The following LDLRAD4 variants were observed in gnomAD, a reference collection of about 807,000 sequenced individuals.
LDLRAD4 encodes the protein low density lipoprotein receptor class A domain containing 4.
A neutral mutation model predicts 17.0 loss-of-function variants in LDLRAD4; 5 were observed. The ratio of observed to expected loss-of-function variants is 0.29; its 90% confidence interval spans 0.15 to 0.62. LDLRAD4 has a LOEUF of 0.62. Among genes scored for constraint, LDLRAD4 ranks in the 20% least tolerant of loss-of-function variants. The probability of loss-of-function intolerance (pLI) is 0.84; values close to 1 mark genes in which losing one functional copy is unlikely to be tolerated. For missense variants in LDLRAD4, 340 were observed against 424.7 expected, an observed-to-expected ratio of 0.80 and a Z score of 1.75; for synonymous variants, 168 against 171.8, an observed-to-expected ratio of 0.98 and a Z score of 0.17.
chr18:13,576,474 T>A (rs1298410477), intron 3 of LDLRAD4, among the ~76,000 whole-genome samples: 1 of 151,116 alleles, frequency 6.6e-6, no homozygotes, highest in Non-Finnish European at 1.5e-5. Flanking sequence ...AGTGGATTCC[T>A]CTTCCAGTTT....
chr18:13,324,563 A>T (rs969629208), intron 1 of LDLRAD4, among the ~76,000 whole-genome samples: 3 of 152,138 alleles, frequency 2.0e-5, no homozygotes, highest in African/African-American at 4.8e-5. Flanking sequence ...CTGTGGGTTT[A>T]TTAGCTGGTG....
intron 3 of LDLRAD4, among the ~76,000 whole-genome samples, chr18:13,501,653 T>C (rs2147292498): frequency 6.6e-6 from 1 of 152,038 alleles, no homozygotes; most frequent in Admixed American, 6.6e-5. Flanking sequence ...TGGGTATTAT[T>C]AATAATCCAT....
intron 3 of LDLRAD4, among the ~76,000 whole-genome samples, chr18:13,540,151 G>T (rs772206365): frequency 3.3e-4 from 50 of 152,194 alleles, no homozygotes; most frequent in Admixed American, 9.8e-4. Flanking sequence ...TGTTTGGTTT[G>T]TTTTCATGCC....
At chr18:13,632,809 A>C (rs2041785105) in intron 4 of LDLRAD4, among the ~76,000 whole-genome samples, 1 of 152,250 alleles carries the variant, frequency 6.6e-6, no homozygotes, top group African/African-American at 2.4e-5. Context: ...AGCTTCATTG[A>C]GCAACAGAAC....
chr18:13,536,441 A>G (rs1198819068), intron 3 of LDLRAD4, among the ~76,000 whole-genome samples: 1 of 152,178 alleles, frequency 6.6e-6, no homozygotes. Context: ...AAAGAAATAC[A>G]GTTGATTTGT....
upstream of LDLRAD4, among the ~76,000 whole-genome samples, chr18:13,276,379 C>T (rs1385912180): frequency 6.6e-6 from 1 of 152,174 alleles, no homozygotes; most frequent in African/African-American, 2.4e-5. Flanking sequence ...GAGCTGAAAA[C>T]AGTACTCATT....
At chr18:13,569,290 T>TCAGAA (rs34176472) in intron 3 of LDLRAD4, among the ~76,000 whole-genome samples, 91,327 of 151,626 alleles carry the variant, frequency 0.6, 28,172 homozygotes, top group East Asian at 0.87. Flanking sequence ...GGGCTCAGAC[T>TCAGAA]CTGAACTATT....
chr18:13,562,806 TC>T (rs753759132), intron 3 of LDLRAD4: 1 of 152,234 alleles, frequency 6.6e-6, no homozygotes, highest in Non-Finnish European at 1.5e-5. Context: ...CGCCTACCCC[TC>T]CCACCCAAGG....
intron 2 of LDLRAD4, among the ~76,000 whole-genome samples, chr18:13,411,741 C>A (rs570684229): frequency 2.6e-5 from 4 of 152,236 alleles, no homozygotes; most frequent in Non-Finnish European, 5.9e-5. Flanking sequence ...TATAAATTAT[C>A]CAGTCCCTGT....
At chr18:13,378,111 A>T (rs551865604) in intron 1 of LDLRAD4, among the ~76,000 whole-genome samples, 129 of 152,364 alleles carry the variant, frequency 8.5e-4, no homozygotes, top group Middle Eastern at 3.4e-3. Flanking sequence ...TTGTGAACGC[A>T]GGCGACTGAA....
intron 1 of LDLRAD4, among the ~76,000 whole-genome samples, chr18:13,245,316 C>A (rs1294034669): frequency 6.6e-6 from 1 of 152,162 alleles, no homozygotes; most frequent in Non-Finnish European, 1.5e-5. Flanking sequence ...CACGTGAGGG[C>A]AGCCGTGTGT....
chr18:13,579,759 C>T (rs1170868394), intron 3 of LDLRAD4, among the ~76,000 whole-genome samples: 2 of 152,204 alleles, frequency 1.3e-5, no homozygotes, highest in African/African-American at 4.8e-5. Context: ...TGCAAGTTAT[C>T]CTGGACACCA....
intron 3 of LDLRAD4, among the ~76,000 whole-genome samples, chr18:13,466,472 C>CAAAAAAA (rs5823251): frequency 9.2e-6 from 1 of 108,460 alleles, no homozygotes; most frequent in Non-Finnish European, 1.8e-5. Flanking sequence ...CTTGTTTCAC[C>CAAAAAAA]AAAAAAAAAA....
At chr18:13,524,646 A>T (rs2094002285) in intron 3 of LDLRAD4, among the ~76,000 whole-genome samples, 1 of 152,212 alleles carries the variant, frequency 6.6e-6, no homozygotes, top group African/African-American at 2.4e-5. Context: ...CTCACTAAAC[A>T]TCACTTTCAC....
intron 4 of LDLRAD4, among the ~76,000 whole-genome samples, chr18:13,626,825 C>G (rs1168451025): frequency 6.6e-6 from 1 of 152,210 alleles, no homozygotes; most frequent in Non-Finnish European, 1.5e-5. Context: ...CCTCTTGATG[C>G]AGAAACTCAT....
At chr18:13,586,053 T>C (rs535633718) in intron 3 of LDLRAD4, among the ~76,000 whole-genome samples, 13 of 152,236 alleles carry the variant, frequency 8.5e-5, no homozygotes, top group African/African-American at 2.2e-4. Context: ...GTTGAAGATA[T>C]GGCAGACTCC....
chr18:13,433,590 C>G (rs2090474015), intron 2 of LDLRAD4, among the ~76,000 whole-genome samples: 1 of 152,276 alleles, frequency 6.6e-6, no homozygotes, highest in Non-Finnish European at 1.5e-5. Context: ...CTCTGTGAGG[C>G]TTGATTTGTC....
chr18:13,639,755 A>G (rs1319358895), intron 4 of LDLRAD4, among the ~76,000 whole-genome samples: 1 of 152,192 alleles, frequency 6.6e-6, no homozygotes, highest in Non-Finnish European at 1.5e-5. Context: ...AGTTTCCTAT[A>G]AAAGTAAATA....
chr18:13,502,708 A>G (rs1272982884), intron 3 of LDLRAD4, among the ~76,000 whole-genome samples: 1 of 152,206 alleles, frequency 6.6e-6, no homozygotes, highest in East Asian at 1.9e-4. Flanking sequence ...CAGGAACCCC[A>G]CTGGGAGGAC....
Sources: gnomAD v4.1 joint callset for allele counts (sites outside exome capture counted in the v4.1 genomes callset) on GRCh38, gnomAD v4.1.1 for gene constraint, MANE v1.5 for transcripts, NCBI Gene and HGNC (gene_info 2026-07-23, HGNC 2026-07-21) for gene names.